The following NME7 variants were observed in gnomAD, a reference collection of about 807,000 sequenced individuals.
NME7 encodes NME/NM23 family member 7, also known as nucleoside diphosphate kinase 7.
In NME7, 41 loss-of-function variants were observed where a neutral mutation model predicts 49.1. The observed-to-expected ratio is 0.83, with a 90% CI of 0.65 to 1.08. NME7 has a LOEUF of 1.08. Ranked by LOEUF, NME7 falls within the 50% of genes least tolerant of loss-of-function variation. NME7 has a pLI of 0.00. For missense variants in NME7, 423 were observed against 463.4 expected, an observed-to-expected ratio of 0.91 and a Z score of 0.80; for synonymous variants, 139 against 150.6, an observed-to-expected ratio of 0.92 and a Z score of 0.56.
intron 10 of NME7, among the ~76,000 whole-genome samples, chr1:169,178,450 G>A (rs1659822745): frequency 6.6e-6 from 1 of 152,106 alleles, no homozygotes; most frequent in African/African-American, 2.4e-5. Context: ...CACTGCCATG[G>A]TAGTAGCAGT....
In NME7 at chr1:169,290,973, C is replaced by T. The variant is rs1048460070; in HGVS notation, c.649-3565G>A. On this transcript the variant is annotated intron_variant, in intron 6 of 11. Transcript: ENST00000367811. ...AACCACAATGAGATACCATCTCATG[C>T]CAGTTAGAATGATGATCATTAAAAA... Among the ~76,000 whole-genome samples the T allele has an allele frequency of 3.3e-5, 5 of 152,202 alleles. No homozygotes were observed. In the South Asian group the frequency reaches 1.0e-3, roughly 32 times the overall value.
chr1:169,269,915 C>T (rs1255489866), intron 7 of NME7, among the ~76,000 whole-genome samples: 1 of 133,156 alleles, frequency 7.5e-6, no homozygotes, highest in African/African-American at 2.5e-5. Context: ...ATACAATTTC[C>T]AATTTATTTA....
chr1:169,291,840 G>GT (rs550375967), intron 6 of NME7, among the ~76,000 whole-genome samples: 2 of 151,802 alleles, frequency 1.3e-5, no homozygotes, highest in Admixed American at 6.6e-5. Flanking sequence ...TATATTCATA[G>GT]TTTTTTTTAG....
intron 1 of NME7, among the ~76,000 whole-genome samples, chr1:169,338,199 A>C (rs1303212580): frequency 6.6e-6 from 1 of 152,240 alleles, no homozygotes; most frequent in African/African-American, 2.4e-5. Context: ...CTTTTAAAAA[A>C]TTACAGTTTA....
rs534208902 is a variant in NME7, at chr1:169,256,636, C to T, written c.755-18949G>A. On this transcript the variant is annotated intron_variant, in intron 7 of 11. Coordinates refer to ENST00000367811, the MANE Select transcript of NME7 (RefSeq NM_013330.5). ...CTGCGTTCCTTTGGAGGAGGAGAGG[C>T]GCTCTGCTTTTTAGAGTTTCCAGTT... Among the ~76,000 whole-genome samples the T allele has an allele frequency of 1.2e-4, 15 of 126,094 alleles. 2 individuals are homozygous for T. Among genetic ancestry groups the T allele is most frequent in the Middle Eastern group, 3.9e-3 (1 of 254 alleles). The allele number at this position is 126,094 out of a possible 152,430, so 82.7% of individuals were successfully genotyped here.
chr1:169,297,932 A>G (rs1015802533), intron 6 of NME7, among the ~76,000 whole-genome samples: 2 of 152,206 alleles, frequency 1.3e-5, no homozygotes, highest in Non-Finnish European at 2.9e-5. Flanking sequence ...AAATGGTAGG[A>G]AAAAGAAAGA....
At chr1:169,164,901 T>C (rs1220983706) in intron 11 of NME7, among the ~76,000 whole-genome samples, 3 of 152,224 alleles carry the variant, frequency 2.0e-5, no homozygotes, top group Admixed American at 2.0e-4. Flanking sequence ...GGGTATCTAC[T>C]TTACTGTAGC....
intron 10 of NME7, among the ~76,000 whole-genome samples, chr1:169,195,029 G>A (rs1660336354): frequency 6.6e-6 from 1 of 151,862 alleles, no homozygotes. Context: ...TAACTCAGCA[G>A]CAGAATTATA....
At chr1:169,342,925 A>ACAAG (rs1652817267) in intron 1 of NME7, among the ~76,000 whole-genome samples, 3 of 113,454 alleles carry the variant, frequency 2.6e-5, no homozygotes, top group South Asian at 5.6e-4. Flanking sequence ...ATATATATAT[A>ACAAG]TACAAGTACA....
intron 11 of NME7, among the ~76,000 whole-genome samples, chr1:169,161,104 T>C (rs1659230464): frequency 6.6e-6 from 1 of 152,166 alleles, no homozygotes; most frequent in Non-Finnish European, 1.5e-5. Flanking sequence ...TTCCCCTGAG[T>C]AAAACATTTA....
intron 7 of NME7, among the ~76,000 whole-genome samples, chr1:169,253,515 C>A (rs111785704): frequency 1.3e-5 from 2 of 152,064 alleles, no homozygotes; most frequent in African/African-American, 2.4e-5. Flanking sequence ...CAAACAGGGA[C>A]AATTTGACTT....
In NME7 at chr1:169,261,797, A is replaced by G. The variant is rs1290248256; in HGVS notation, c.755-24110T>C. 2.2e-5 allele frequency among the ~76,000 whole-genome samples: 3 copies of G among 133,576 alleles called. 1 individual carries two copies. The highest frequency in any genetic ancestry group is 5.3e-5 in the Non-Finnish European group (3 of 56,872). The allele number at this position is 133,576 out of a possible 152,430, so 87.6% of individuals were successfully genotyped here. A position where few individuals can be genotyped will look rare whatever the true frequency, so the allele number is the denominator to read the frequency against. On this transcript the variant is annotated intron_variant, in intron 7 of 11. Coordinates refer to ENST00000367811, the MANE Select transcript of NME7 (RefSeq NM_013330.5). ...TGCATATTCTTGGGCTCTACTCCAG[A>G]TATACTGAAAAAAGATTCTAAAATT...
intron 7 of NME7, among the ~76,000 whole-genome samples, chr1:169,259,737 T>C (rs1268253954): frequency 7.5e-6 from 1 of 134,222 alleles, no homozygotes; most frequent in African/African-American, 2.5e-5. Flanking sequence ...AAACTTCATA[T>C]TCTGATTCAG....
intron 1 of NME7, among the ~76,000 whole-genome samples, chr1:169,344,445 C>G (rs1382097461): frequency 1.3e-5 from 2 of 152,154 alleles, no homozygotes; most frequent in Non-Finnish European, 2.9e-5. Context: ...GAGCACACAT[C>G]CTAGCCTTGT....
At chr1:169,240,428 T>C (rs1445715953) in intron 7 of NME7, among the ~76,000 whole-genome samples, 1 of 152,026 alleles carries the variant, frequency 6.6e-6, no homozygotes, top group Non-Finnish European at 1.5e-5. Context: ...TTGGAGTATA[T>C]TTAGTTGAAA....
intron 3 of NME7, among the ~76,000 whole-genome samples, chr1:169,311,388 C>T (rs984876551): frequency 1.4e-5 from 2 of 139,628 alleles, no homozygotes; most frequent in Non-Finnish European, 3.0e-5. Context: ...CACTGCACTC[C>T]AGCCTGGGCG....
intron 10 of NME7, among the ~76,000 whole-genome samples, chr1:169,173,382 A>T (rs1242499346): frequency 6.6e-6 from 1 of 152,172 alleles, no homozygotes; most frequent in Admixed American, 6.5e-5. Context: ...TCATAAGCTA[A>T]TTATGACCTA....
chr1:169,245,939 T>G (rs1386954968), intron 7 of NME7, among the ~76,000 whole-genome samples: 1 of 152,208 alleles, frequency 6.6e-6, no homozygotes, highest in Non-Finnish European at 1.5e-5. Context: ...GAGAGCAATA[T>G]GTTACTAGGC....
chr1:169,198,819 C>T (rs1660463049), intron 10 of NME7, among the ~76,000 whole-genome samples: 1 of 152,042 alleles, frequency 6.6e-6, no homozygotes, highest in Non-Finnish European at 1.5e-5. Flanking sequence ...TGTTTTTAAA[C>T]AAGTGAATCA....
Sources: allele counts gnomAD v4.1 joint callset (sites outside exome capture counted in the v4.1 genomes callset), GRCh38; gene constraint gnomAD v4.1.1; transcripts MANE v1.5; gene names NCBI Gene and HGNC (gene_info 2026-07-23, HGNC 2026-07-21).